ITPR1: variants seen among roughly 807,000 people sequenced by gnomAD.
The protein encoded by ITPR1 is inositol 1,4,5-trisphosphate-gated calcium channel ITPR1.
ITPR1 carries 96 observed loss-of-function variants against 318.4 expected under a neutral mutation model. The ratio of observed to expected loss-of-function variants is 0.30; its 90% CI spans 0.26 to 0.36. The LOEUF is 0.36. Among genes scored for constraint, ITPR1 ranks in the 10% least tolerant of loss-of-function variants. The probability of loss-of-function intolerance (pLI) is 1.00; values close to 1 mark genes in which losing one functional copy is unlikely to be tolerated. For synonymous variants in ITPR1, 1,312 were observed against 1,289.9 expected (o/e 1.02, Z -0.37); for missense variants, 2,440 against 3,460.2 (o/e 0.71, Z 7.40).
In ITPR1 at chr3:4,627,221, C is replaced by A. The variant is rs115570430; in HGVS notation, c.164-542C>A. On this transcript the variant is annotated intron_variant, in intron 4 of 61. Coordinates refer to ENST00000649015, the MANE Select transcript of ITPR1 (RefSeq NM_001378452.1). ...GTTGTATACAGCAAGGACTATTTGT[C>A]CTTGTATTTATTTGTTCATTGTAAA... is the stretch of plus-strand genomic sequence containing the variant. 7.6e-3 allele frequency among the ~76,000 whole-genome samples: 1,154 copies of A among 152,086 alleles called. 10 individuals are homozygous for A. Among genetic ancestry groups the A allele is most frequent in the African/African-American group, 0.027 (1,110 of 41,488 alleles).
intron 5 of ITPR1, among the ~76,000 whole-genome samples, chr3:4,628,409 C>T (rs2092908789): frequency 6.6e-6 from 1 of 152,194 alleles, no homozygotes; most frequent in Admixed American, 6.5e-5. Context: ...AAGATGTGCT[C>T]ATTCCACTGC....
chr3:4,560,321 C>T (rs952278557), intron 4 of ITPR1, among the ~76,000 whole-genome samples: 5 of 152,136 alleles, frequency 3.3e-5, no homozygotes, highest in African/African-American at 9.7e-5. Context: ...ATAAGGTTCT[C>T]TCTCAGGTCT....
intron 2 of ITPR1, among the ~76,000 whole-genome samples, chr3:4,505,307 C>G (rs1424798138): frequency 6.6e-6 from 1 of 152,204 alleles, no homozygotes; most frequent in Non-Finnish European, 1.5e-5. Context: ...ATTCTCCTGC[C>G]TTGGCCTCCC....
At chr3:4,790,969 GAAGA>G (rs1236359884) in intron 52 of ITPR1, among the ~76,000 whole-genome samples, 6 of 152,322 alleles carry the variant, frequency 3.9e-5, no homozygotes, top group South Asian at 2.1e-4. Context: ...AGGAAAATGA[GAAGA>G]GAGAGAAAGA....
intron 39 of ITPR1, among the ~76,000 whole-genome samples, chr3:4,712,692 C>T (rs545541272): frequency 5.3e-5 from 8 of 152,304 alleles, no homozygotes; most frequent in African/African-American, 1.4e-4. Context: ...TTGTCAAAAT[C>T]GATGGTGGCA....
intron 5 of ITPR1, among the ~76,000 whole-genome samples, chr3:4,635,934 C>G: frequency 6.6e-6 from 1 of 151,548 alleles, no homozygotes; most frequent in East Asian, 1.9e-4. Context: ...GATCTCAGCT[C>G]ACTGCAACCT....
At chr3:4,691,083 T>A in intron 31 of ITPR1, 61 bp from the exon 32 acceptor site, 4 of 1,167,020 alleles carry the variant, frequency 3.4e-6, no homozygotes, top group Non-Finnish European at 4.8e-6. Context: ...TTCTCACTTT[T>A]TAATCTGTTC....
At chr3:4,526,817 C>T (rs1410932694) in intron 4 of ITPR1, among the ~76,000 whole-genome samples, 1 of 152,174 alleles carries the variant, frequency 6.6e-6, no homozygotes, top group African/African-American at 2.4e-5. Context: ...ATGTGCCAGC[C>T]ATTTGTACTC....
chr3:4,646,032 C>T, intron 10 of ITPR1: 1 of 305,774 alleles, frequency 3.3e-6, no homozygotes, highest in Non-Finnish European at 6.2e-6. Flanking sequence ...ACTTTGGAAA[C>T]AAATTCAAAA....
chr3:4,814,434 G>A lies in ITPR1; in HGVS notation c.7573G>A (p.Ala2525Thr), dbSNP rs765759648. ...TGCCGTGTTCACAGAGCTGGTCCCT[G>A]CAGAAGAGACGGAACAGGATAAAGA... The part of the protein sequence containing the change: ...SPAPREELVP[A>T]EETEQDKEHT... The change falls in exon 58 of 62, where the codon GCA (alanine) becomes ACA (threonine). Residue 2525 changes from alanine to threonine, a missense_variant. This residue lies in a region of ITPR1 where 88 missense variants were observed against 90.5 expected (regional missense o/e 0.97). Transcript: ENST00000649015. The A allele has an allele frequency of 6.2e-7, 1 of 1,613,966 alleles. No homozygotes were observed. The highest frequency in any genetic ancestry group is 2.2e-5 in the East Asian group (1 of 44,882).
chr3:4,748,678 G>A (rs751150205), intron 44 of ITPR1, among the ~76,000 whole-genome samples: 7 of 152,260 alleles, frequency 4.6e-5, no homozygotes, highest in African/African-American at 1.2e-4. Flanking sequence ...TAGTGGATAC[G>A]TGTGTGAGTT....
At chr3:4,677,120 G>C (rs2125221619) in intron 24 of ITPR1, among the ~76,000 whole-genome samples, 1 of 152,232 alleles carries the variant, frequency 6.6e-6, no homozygotes, top group Non-Finnish European at 1.5e-5. Flanking sequence ...CTGCATCTCT[G>C]CTTATTGATC....
At position 4,569,004 on chromosome 3, in the gene ITPR1, G is replaced by A. The variant is rs190801623; in HGVS notation, c.163+47910G>A. ...AGAGAAGAATGGGGAGGGGTCACAC[G>A]CTCTTAAACGACCAGATCTCTAGAG... On this transcript the variant is annotated intron_variant, in intron 4 of 61. Transcript: ENST00000649015. Among the ~76,000 whole-genome samples the A allele has an allele frequency of 1.4e-4, 21 of 152,204 alleles. No homozygotes were observed. In the East Asian group the frequency reaches 3.1e-3, roughly 22 times the overall value.
chr3:4,813,281 A>G (rs753048212), intron 57 of ITPR1, 47 bp downstream of exon 57: 4 of 1,345,010 alleles, frequency 3.0e-6, no homozygotes, highest in Non-Finnish European at 1.0e-6. Flanking sequence ...GGACTCCTCC[A>G]GAGGCTTAGC....
intron 4 of ITPR1, among the ~76,000 whole-genome samples, chr3:4,579,897 T>A (rs1484047589): frequency 6.6e-6 from 1 of 151,604 alleles, no homozygotes; most frequent in Non-Finnish European, 1.5e-5. Context: ...GTATTTTGAA[T>A]GTTAAATTCA....
At chr3:4,722,315 A>G (rs7643344) in intron 40 of ITPR1, among the ~76,000 whole-genome samples, 138,391 of 152,154 alleles carry the variant, frequency 0.91, 63,909 homozygotes, top group East Asian at 1. Flanking sequence ...TCGCCTGCTG[A>G]TGTGTGAGAT....
Position 4,645,356 on chromosome 3 carries a change from C to T in ITPR1, c.625-31C>T, listed in dbSNP as rs374155397. ...GATGACACAGTTGTTGTGAGGGGTA[C>T]GTGAAAAAATAACTCGAATCTGTGT... On this transcript the variant is annotated intron_variant, in intron 8 of 61. Transcript: ENST00000649015. 3.8e-5 allele frequency: 55 copies of T among 1,462,134 alleles called. No individual in the cohort carries two copies. In the African/African-American group the frequency reaches 4.9e-4, roughly 13 times the overall value. 90.6% of individuals were successfully genotyped at this position (1,462,134 alleles called of 1,614,324 possible).
At chr3:4,799,369 G>C (rs1176200004) in intron 53 of ITPR1, among the ~76,000 whole-genome samples, 1 of 152,228 alleles carries the variant, frequency 6.6e-6, no homozygotes, top group Non-Finnish European at 1.5e-5. Context: ...GCCTTTTGAA[G>C]GATTTCAAAA....
At chr3:4,828,925 A>C (rs967372996) in intron 60 of ITPR1, among the ~76,000 whole-genome samples, 4 of 152,196 alleles carry the variant, frequency 2.6e-5, no homozygotes, top group African/African-American at 9.7e-5. Context: ...AAGAGAAATC[A>C]GTATCCCTAA....
Sources: gnomAD v4.1 joint callset for allele counts (sites outside exome capture counted in the v4.1 genomes callset) on GRCh38, gnomAD v4.1.1 for gene constraint, gnomAD v4.1.1 regional missense constraint, MANE v1.5 for transcripts, NCBI Gene and HGNC (gene_info 2026-07-23, HGNC 2026-07-21) for gene names.